The following UNK variants were observed in gnomAD, a reference collection of about 807,000 sequenced individuals.
UNK encodes the protein RING finger protein unkempt homolog.
A neutral mutation model predicts 97.6 loss-of-function variants in UNK; 32 were observed. The ratio of observed to expected loss-of-function variants is 0.33; its 90% confidence interval spans 0.25 to 0.44. The LOEUF is 0.44. UNK is among the 20% of genes least tolerant of loss of function. UNK has a pLI of 1.00. For synonymous variants in UNK, 441 were observed against 461.2 expected (o/e 0.96, Z 0.56); for missense variants, 771 against 1,098.4 (o/e 0.70, Z 4.21).
chr17:75,824,532 TTATGTATATGTATACATTTCCGTATG>T lies in UNK; in HGVS notation c.*143_*168del, dbSNP rs541904570. On this transcript the variant is annotated 3_prime_UTR_variant, in exon 16 of 16. Coordinates refer to ENST00000589666, the MANE Select transcript of UNK (RefSeq NM_001080419.3). The surrounding 1 kb of genome is among the most constrained non-coding windows in gnomAD (Gnocchi z 4.9). ...TATGTATGTATGTATATGTATATGA[TTATGTATATGTATACATTTCCGTATG>T]TATGTATATGTATACATTTCCGTAT... is the stretch of plus-strand genomic sequence containing the variant. 6,419 of 805,156 alleles carry T rather than the reference TTATGTATATGTATACATTTCCGTATG, an allele frequency of 8.0e-3. 388 individuals carry two copies. The African/African-American group carries it at 0.11, about 14-fold the overall frequency. The allele number at this position is 805,156 out of a possible 1,614,324, so 49.9% of individuals were successfully genotyped here.
At position 75,824,535 on chromosome 17, in the gene UNK, T is replaced by C. The variant is rs1431383759; in HGVS notation, c.*118T>C. On this transcript the variant is annotated 3_prime_UTR_variant, in exon 16 of 16. Transcript: ENST00000589666. This position sits in a 1 kb window ranked among gnomAD's most constrained non-coding sequence, Gnocchi z 4.9. The stretch of plus-strand genomic sequence containing the variant: ...GTATGTATGTATATGTATATGATTA[T>C]GTATATGTATACATTTCCGTATGTA... 6.4e-6 allele frequency: 5 copies of C among 776,680 alleles called. No homozygotes were observed. The highest frequency in any genetic ancestry group is 4.9e-4 in the Middle Eastern group (1 of 2,054). The allele number at this position is 776,680 out of a possible 1,614,324, so 48.1% of individuals were successfully genotyped here. A position where few individuals can be genotyped will look rare whatever the true frequency, so the allele number is the denominator to read the frequency against.
rs1567802976 is a variant in UNK at position 75,809,853 on chromosome 17, C to T, written c.198C>T (p.Phe66=). Residue 66 remains phenylalanine (F), a synonymous_variant, in exon 2 of 16, where the codon TTC becomes TTT. Coordinates refer to ENST00000589666, the MANE Select transcript of UNK (RefSeq NM_001080419.3). ...CCTACACCTGCTTCCACTGGCACTT[C>T]GTGAACCAGCGGCGCCGCCGGTCCA... ...HRPYTCFHWH[F]VNQRRRRSIR... 10 of 1,613,800 alleles carry T rather than the reference C, an allele frequency of 6.2e-6. No homozygotes were observed. The highest frequency in any genetic ancestry group is 7.6e-6 in the Non-Finnish European group (9 of 1,179,876).
chr17:75,815,241 G>A lies in UNK; in HGVS notation c.949G>A (p.Ala317Thr). ...SCPRGPFCAF[A>T]HVEQPPLSDD... The stretch of plus-strand genomic sequence containing the variant: ...TCCCCGAGGACCCTTCTGCGCCTTT[G>A]CCCACGTAGAACGTATGCTGTTCCC... The change falls in exon 7 of 16, where the codon GCC becomes ACC. Residue 317 changes from alanine (A) to threonine (T), a missense_variant. Around this residue, in one of 5 missense-constraint regions of UNK, gnomAD observed 246 missense variants for 440.7 expected, o/e 0.56. Coordinates refer to ENST00000589666, the MANE Select transcript of UNK (RefSeq NM_001080419.3). 1 of 1,613,266 alleles carries A rather than the reference G, an allele frequency of 6.2e-7. No individual in the cohort carries two copies. The highest frequency in any genetic ancestry group is 8.5e-7 in the Non-Finnish European group (1 of 1,179,618).
At position 75,817,978 on chromosome 17, in the gene UNK, A is replaced by G; in HGVS notation, c.1306-125A>G. The G allele has an allele frequency of 1.2e-6, 1 of 863,670 alleles. No individual in the cohort carries two copies. The highest frequency in any genetic ancestry group is 1.9e-6 in the Non-Finnish European group (1 of 533,076). The allele number at this position is 863,670 out of a possible 1,614,324, so 53.5% of individuals were successfully genotyped here. ...TGGGGAGGAAGAAGGGGGTGTGTGC[A>G]TGCATGTGAAGAGGGGTTGCATGTC... On this transcript the variant is annotated intron_variant, in intron 9 of 15. Transcript: ENST00000589666. The surrounding 1 kb of genome is among the most constrained non-coding windows in gnomAD (Gnocchi z 5.8).
rs1054587665 is a variant in UNK at position 75,824,513 on chromosome 17, T to A, written c.*96T>A. The A allele has an allele frequency of 9.0e-6, 8 of 883,998 alleles. No homozygotes were observed. The highest frequency in any genetic ancestry group is 1.2e-5 in the Non-Finnish European group (8 of 690,756). The allele number at this position is 883,998 out of a possible 1,614,324, so 54.8% of individuals were successfully genotyped here. A position where few individuals can be genotyped will look rare whatever the true frequency, so the allele number is the denominator to read the frequency against. On this transcript the variant is annotated 3_prime_UTR_variant, in exon 16 of 16. Coordinates refer to ENST00000589666, the MANE Select transcript of UNK (RefSeq NM_001080419.3). This position sits in a 1 kb window ranked among gnomAD's most constrained non-coding sequence, Gnocchi z 4.9. ...GAATATATATATATATGTGTATGTA[T>A]GTATGTATATGTATATGATTATGTA...
chr17:75,816,740 C>T lies in UNK; in HGVS notation c.962-30C>T. 1 of 1,578,058 alleles carries T rather than the reference C, an allele frequency of 6.3e-7. No individual in the cohort carries two copies. Among genetic ancestry groups the T allele is most frequent in the Non-Finnish European group, 8.6e-7 (1 of 1,165,426 alleles). ...TTTGGAGGGACAGAGCTGGCTGGGG[C>T]CTGCTGACCCCTGCCCCTGACTCTT... On this transcript the variant is annotated intron_variant, in intron 7 of 15. Transcript: ENST00000589666. The surrounding 1 kb of genome is among the most constrained non-coding windows in gnomAD (Gnocchi z 4.0).
chr17:75,813,136 G>A lies in UNK; in HGVS notation c.681G>A (p.Leu227=), dbSNP rs777983451. 1.4e-5 allele frequency: 22 copies of A among 1,588,890 alleles called. No individual in the cohort carries two copies. Among genetic ancestry groups the A allele is most frequent in the Non-Finnish European group, 8.6e-6 (10 of 1,168,086 alleles). The part of the protein sequence containing the change: ...KTEPCKKPPR[L]CRQGYACPYY... ...AGCCTTGCAAGAAGCCCCCGCGGCTGTGCCGCCAAGGCTATGCCTGTCCCT... is the reference window on the plus strand; with the variant it reads ...AGCCTTGCAAGAAGCCCCCGCGGCTATGCCGCCAAGGCTATGCCTGTCCCT... Residue 227 remains leucine (L), a synonymous_variant, in exon 5 of 16, where the codon CTG becomes CTA. Transcript: ENST00000589666.
chr17:75,786,835 C>G (rs763864852), intron 1 of UNK, among the ~76,000 whole-genome samples: 29 of 151,976 alleles, frequency 1.9e-4, no homozygotes, highest in Non-Finnish European at 2.8e-4. Context: ...CCAGCCTGAG[C>G]GACAAGAGCA....
chr17:75,803,439 G>T (rs912182874), intron 1 of UNK, among the ~76,000 whole-genome samples: 1 of 152,094 alleles, frequency 6.6e-6, no homozygotes, highest in Non-Finnish European at 1.5e-5. Flanking sequence ...CCTGGCTGTC[G>T]GTGAGTCCAC....
chr17:75,796,405 A>C (rs764730656), intron 1 of UNK, among the ~76,000 whole-genome samples: 18 of 151,326 alleles, frequency 1.2e-4, no homozygotes, highest in Admixed American at 4.6e-4. Context: ...TGCAGCCTTG[A>C]ACTCCTGGGC....
chr17:75,813,892 C>T lies in UNK; in HGVS notation c.876+14C>T, dbSNP rs2061992818. 6.4e-7 allele frequency: 1 copy of T among 1,558,290 alleles called. No individual in the cohort carries two copies. The highest frequency in any genetic ancestry group is 8.7e-7 in the Non-Finnish European group (1 of 1,151,914). ...TTCCACCCCGAGGTGGGCCCCACAG[C>T]AGGGTGGGGGGGTGGCTTTGGGAAG... is the stretch of plus-strand genomic sequence containing the variant. On this transcript the variant is annotated intron_variant, in intron 6 of 15. Coordinates refer to ENST00000589666, the MANE Select transcript of UNK (RefSeq NM_001080419.3).
At chr17:75,810,257 G>T (rs1009805255) in intron 2 of UNK, among the ~76,000 whole-genome samples, 48 of 152,230 alleles carry the variant, frequency 3.2e-4, no homozygotes, top group African/African-American at 4.8e-5. Flanking sequence ...CTCCCCTGGG[G>T]ATCACATCCC....
chr17:75,814,489 C>CAA (rs59234903), intron 6 of UNK, among the ~76,000 whole-genome samples: 35,568 of 69,866 alleles, frequency 0.51, 9,578 homozygotes, highest in Admixed American at 0.62. Context: ...GAGACTCCAT[C>CAA]AAAAAAAAAA....
chr17:75,815,180 C>G lies in UNK; in HGVS notation c.888C>G (p.Ser296=). ...GCTCTGCCCTCCAGATCTACAAGTCCACCAAGTGCAACGACATGCAGCAGT... is the reference window on the plus strand; with the variant it reads ...GCTCTGCCCTCCAGATCTACAAGTCGACCAAGTGCAACGACATGCAGCAGT... The part of the protein sequence containing the change: ...EQQFHPEIYK[S]TKCNDMQQSG... Residue 296 remains serine, a synonymous_variant, in exon 7 of 16, where the codon TCC becomes TCG. Coordinates refer to ENST00000589666, the MANE Select transcript of UNK (RefSeq NM_001080419.3). 6.2e-7 allele frequency: 1 copy of G among 1,613,262 alleles called. No homozygotes were observed. Among genetic ancestry groups the G allele is most frequent in the South Asian group, 1.1e-5 (1 of 91,080 alleles).
chr17:75,802,045 T>G (rs1039488018), intron 1 of UNK, among the ~76,000 whole-genome samples: 1 of 151,652 alleles, frequency 6.6e-6, no homozygotes, highest in Non-Finnish European at 1.5e-5. Flanking sequence ...GATGGGATTC[T>G]CCATGTTGGC....
At position 75,816,913 on chromosome 17, in the gene UNK, G is replaced by A. The variant is rs2143803980; in HGVS notation, c.1104+1G>A. 7 of 1,600,176 alleles carry A rather than the reference G, an allele frequency of 4.4e-6. No homozygotes were observed. Among genetic ancestry groups the A allele is most frequent in the African/African-American group, 1.3e-5 (1 of 74,990 alleles). ...CCCGCATGCCCCTGACCTCAGTGCCGTACGTGTCCATCCTGGGGAGTGGGT... is the reference window on the plus strand; with the variant it reads ...CCCGCATGCCCCTGACCTCAGTGCCATACGTGTCCATCCTGGGGAGTGGGT... On this transcript the variant is annotated splice_donor_variant, in intron 8 of 15. Coordinates refer to ENST00000589666, the MANE Select transcript of UNK (RefSeq NM_001080419.3). LOFTEE classifies it high-confidence loss of function. This position sits in a 1 kb window ranked among gnomAD's most constrained non-coding sequence, Gnocchi z 4.0.
chr17:75,822,736 G>A (rs748603564), intron 14 of UNK, 78 bp downstream of exon 14: 10 of 1,420,002 alleles, frequency 7.0e-6, no homozygotes, highest in Admixed American at 5.7e-5. Flanking sequence ...CAGAGTGGGC[G>A]TGGGGTGGGG....
At position 75,817,228 on chromosome 17, in the gene UNK, G is replaced by A. The variant is rs1057187432; in HGVS notation, c.1105-98G>A. 23 of 1,327,752 alleles carry A rather than the reference G, an allele frequency of 1.7e-5. No homozygotes were observed. Among genetic ancestry groups the A allele is most frequent in the Non-Finnish European group, 2.1e-5 (21 of 978,544 alleles). 82.2% of individuals were successfully genotyped at this position (1,327,752 alleles called of 1,614,324 possible). A position where few individuals can be genotyped will look rare whatever the true frequency, so the allele number is the denominator to read the frequency against. On this transcript the variant is annotated intron_variant, in intron 8 of 15. Transcript: ENST00000589666. The surrounding 1 kb of genome is among the most constrained non-coding windows in gnomAD (Gnocchi z 5.8). ...CTCGTTGGCAGATGAAAGTGGAACTGAGCCCCTTGAAGACTCCCTCTGGAG... is the reference window on the plus strand; with the variant it reads ...CTCGTTGGCAGATGAAAGTGGAACTAAGCCCCTTGAAGACTCCCTCTGGAG...
At chr17:75,793,751 G>C (rs2061781902) in intron 1 of UNK, 1 of 985,246 alleles carries the variant, frequency 1.0e-6, no homozygotes, top group African/African-American at 1.7e-5. Context: ...GCCACCATAA[G>C]TCCTGACAAA....
Sources: allele counts gnomAD v4.1 joint callset (sites outside exome capture counted in the v4.1 genomes callset), GRCh38; gene constraint gnomAD v4.1.1; regional missense constraint gnomAD v4.1.1; non-coding constraint Gnocchi (gnomAD v3.1); transcripts MANE v1.5; gene names NCBI Gene and HGNC (gene_info 2026-07-23, HGNC 2026-07-21).